The following PDE1C variants were observed in gnomAD, a reference collection of about 807,000 sequenced individuals.
PDE1C encodes dual specificity calcium/calmodulin-dependent 3',5'-cyclic nucleotide phosphodiesterase 1C.
A neutral mutation model predicts 93.1 loss-of-function variants in PDE1C; 62 were observed. The ratio of observed to expected loss-of-function variants is 0.67; its 90% CI spans 0.54 to 0.82. PDE1C has a LOEUF of 0.82. PDE1C is among the 40% of genes least tolerant of loss of function. The probability of loss-of-function intolerance (pLI) is 0.00; values close to 1 mark genes in which losing one functional copy is unlikely to be tolerated. For missense variants in PDE1C, 742 were observed against 884.6 expected (o/e 0.84, Z 2.04); for synonymous variants, 325 against 310.1 (o/e 1.05, Z -0.50).
chr7:31,903,052 C>G (rs1583878732), intron 2 of PDE1C, among the ~76,000 whole-genome samples: 1 of 151,818 alleles, frequency 6.6e-6, no homozygotes, highest in East Asian at 1.9e-4. Context: ...ACTTCACATG[C>G]TAACTTATGG....
chr7:31,844,754 CTTCT>C (rs1562907000), intron 9 of PDE1C, among the ~76,000 whole-genome samples: 2 of 151,966 alleles, frequency 1.3e-5, no homozygotes, highest in Middle Eastern at 3.4e-3. Flanking sequence ...CTTTTCTCTC[CTTCT>C]GAGACTCAAA....
At chr7:31,654,577 C>T in the PDE1C span, among the ~76,000 whole-genome samples, 1 of 152,096 alleles carries the variant, frequency 6.6e-6, no homozygotes, top group Non-Finnish European at 1.5e-5. Flanking sequence ...TGCTGTCATC[C>T]CCAAGGTGAG....
At chr7:32,378,156 T>A (rs991343233) in intron 1 of PDE1C, among the ~76,000 whole-genome samples, 2 of 152,210 alleles carry the variant, frequency 1.3e-5, no homozygotes, top group African/African-American at 4.8e-5. Context: ...CTGTGTTTTA[T>A]GTCAGCCCCC....
At chr7:31,642,198 T>G in the PDE1C span, 4 of 1,561,108 alleles carry the variant, frequency 2.6e-6, no homozygotes, top group African/African-American at 5.4e-5. Context: ...ACAGAGCAAA[T>G]AGCTGCCAGT....
chr7:31,938,661 C>A (rs1038503907), intron 2 of PDE1C, among the ~76,000 whole-genome samples: 2 of 152,190 alleles, frequency 1.3e-5, no homozygotes, highest in Middle Eastern at 3.4e-3. Context: ...GCTCCTAGCA[C>A]ATAAAACTAT....
intron 3 of PDE1C, among the ~76,000 whole-genome samples, chr7:32,122,178 T>C (rs546456301): frequency 1.3e-5 from 2 of 152,354 alleles, no homozygotes; most frequent in African/African-American, 2.4e-5. Context: ...CTAACTATCC[T>C]ACATATATAT....
intron 1 of PDE1C, among the ~76,000 whole-genome samples, chr7:32,374,117 AAG>A (rs1274938690): frequency 6.4e-4 from 10 of 15,550 alleles, no homozygotes; most frequent in African/African-American, 1.8e-3. Context: ...GGAAGGAAGG[AAG>A]GAGAGAGAGA....
chr7:31,638,456 T>C, the PDE1C span, among the ~76,000 whole-genome samples: 1 of 152,146 alleles, frequency 6.6e-6, no homozygotes. Context: ...TAATAACAGG[T>C]GTTTATGTTT....
chr7:32,168,502 T>C (rs1236516150), intron 3 of PDE1C, among the ~76,000 whole-genome samples: 1 of 152,164 alleles, frequency 6.6e-6, no homozygotes, highest in Non-Finnish European at 1.5e-5. Flanking sequence ...GGAGAAGGGA[T>C]TGACTCCATA....
intron 1 of PDE1C, among the ~76,000 whole-genome samples, chr7:32,417,607 T>C (rs953355869): frequency 6.7e-6 from 1 of 148,200 alleles, no homozygotes; most frequent in Non-Finnish European, 1.5e-5. Flanking sequence ...CGTGTAACTA[T>C]AAGCAATATT....
At chr7:32,179,440 T>C (rs1462760195) in intron 2 of PDE1C, among the ~76,000 whole-genome samples, 2 of 152,098 alleles carry the variant, frequency 1.3e-5, no homozygotes, top group African/African-American at 4.8e-5. Context: ...TTTGTATTTT[T>C]AGTAGAGACG....
At chr7:31,853,031 C>T (rs982887518) in intron 7 of PDE1C, among the ~76,000 whole-genome samples, 4 of 150,798 alleles carry the variant, frequency 2.7e-5, no homozygotes, top group South Asian at 4.2e-4. Flanking sequence ...AACATCTCAA[C>T]GAATCCTAGT....
intron 2 of PDE1C, among the ~76,000 whole-genome samples, chr7:31,910,539 C>G (rs1353352711): frequency 1.3e-5 from 2 of 152,200 alleles, no homozygotes; most frequent in Admixed American, 1.3e-4. Context: ...TTTTCAAAAG[C>G]TAGTAGCACA....
chr7:31,753,019 G>A lies in PDE1C; in HGVS notation c.*365C>T, dbSNP rs993262083. On this transcript the variant is annotated 3_prime_UTR_variant, in exon 18 of 18. Transcript: ENST00000396191. ...TGATTATTAAACCAATATTCTTTTG[G>A]GGGCAACTAACTTTTAGAGATTGAA... The A allele has an allele frequency of 3.2e-5, 5 of 156,774 alleles. No homozygotes were observed. The highest frequency in any genetic ancestry group is 1.2e-4 in the African/African-American group (5 of 41,572). 9.7% of individuals were successfully genotyped at this position (156,774 alleles called of 1,614,324 possible). A position where few individuals can be genotyped will look rare whatever the true frequency, so the allele number is the denominator to read the frequency against.
At chr7:31,690,154 G>GT in the PDE1C span, among the ~76,000 whole-genome samples, 1 of 152,194 alleles carries the variant, frequency 6.6e-6, no homozygotes, top group African/African-American at 2.4e-5. Context: ...TGGACCTCCC[G>GT]TGGCTAAGCA....
intron 3 of PDE1C, among the ~76,000 whole-genome samples, chr7:32,155,513 G>A (rs1801513147): frequency 6.6e-6 from 1 of 152,216 alleles, no homozygotes; most frequent in South Asian, 2.1e-4. Flanking sequence ...AGGTGGCAGA[G>A]TGGTTGCTCA....
chr7:32,155,606 A>G (rs1801519871), intron 3 of PDE1C, among the ~76,000 whole-genome samples: 1 of 152,202 alleles, frequency 6.6e-6, no homozygotes, highest in South Asian at 2.1e-4. Context: ...CTCACAGTGC[A>G]CCTTCCAAGC....
At chr7:32,157,209 T>G (rs1172868714) in intron 3 of PDE1C, among the ~76,000 whole-genome samples, 2 of 152,096 alleles carry the variant, frequency 1.3e-5, no homozygotes, top group Non-Finnish European at 2.9e-5. Context: ...TTAACCAACT[T>G]CTCTTCAACC....
chr7:31,674,448 G>GAAAA, the PDE1C span, among the ~76,000 whole-genome samples: 1 of 152,042 alleles, frequency 6.6e-6, no homozygotes. Flanking sequence ...GAAAAGAAAA[G>GAAAA]AAAAATTCCA....
Sources: gnomAD v4.1 joint callset for allele counts (sites outside exome capture counted in the v4.1 genomes callset) on GRCh38, gnomAD v4.1.1 for gene constraint, MANE v1.5 for transcripts, NCBI Gene and HGNC (gene_info 2026-07-23, HGNC 2026-07-21) for gene names.